RNF175: variants seen among roughly 807,000 people sequenced by gnomAD.
The protein encoded by RNF175 is ring finger protein 175.
In RNF175, 38 loss-of-function variants were observed where a neutral mutation model predicts 50.0. The observed-to-expected ratio is 0.76, with a 90% CI of 0.59 to 1.00. The LOEUF is 1.00. Ranked by LOEUF, RNF175 falls within the 50% of genes least tolerant of loss-of-function variation. The pLI, the probability that RNF175 is intolerant of heterozygous loss-of-function variation, is 0.00. For missense variants in RNF175, 388 were observed against 409.6 expected, an observed-to-expected ratio of 0.95 and a Z score of 0.46; for synonymous variants, 155 against 146.1, an observed-to-expected ratio of 1.06 and a Z score of -0.44.
intron 3 of RNF175, among the ~76,000 whole-genome samples, chr4:153,735,531 G>A (rs573499359): frequency 6.6e-6 from 1 of 152,226 alleles, no homozygotes; most frequent in African/African-American, 2.4e-5. Flanking sequence ...CACATGAACT[G>A]TAGAATCAGT....
intron 3 of RNF175, among the ~76,000 whole-genome samples, chr4:153,743,629 A>G (rs1412046786): frequency 6.6e-6 from 1 of 152,158 alleles, no homozygotes; most frequent in Non-Finnish European, 1.5e-5. Context: ...GAGGCAGGAT[A>G]ACAGGCGCCT....
intron 3 of RNF175, 84 bp from the exon 4 acceptor site, chr4:153,728,445 G>A (rs900519953): frequency 8.4e-7 from 1 of 1,185,418 alleles, no homozygotes; most frequent in African/African-American, 1.5e-5. Context: ...CTGAAGCATT[G>A]CTGGGAGAAC....
At position 153,759,789 on chromosome 4, in the gene RNF175, G is replaced by A; in HGVS notation, c.66+8C>T. ...GCGTCCCCCACGCCCGCGCCCCCGCGCCAGTACCTGCTCCTGCTGCGGGGG... is the reference window on the plus strand; with the variant it reads ...GCGTCCCCCACGCCCGCGCCCCCGCACCAGTACCTGCTCCTGCTGCGGGGG... On this transcript the variant is annotated splice_region_variant and intron_variant, in intron 1 of 8. Transcript: ENST00000347063. 6.8e-7 allele frequency: 1 copy of A among 1,476,254 alleles called. No individual in the cohort carries two copies. Among genetic ancestry groups the A allele is most frequent in the Non-Finnish European group, 8.9e-7 (1 of 1,120,000 alleles). 91.4% of individuals were successfully genotyped at this position (1,476,254 alleles called of 1,614,324 possible). A position where few individuals can be genotyped will look rare whatever the true frequency, so the allele number is the denominator to read the frequency against.
At chr4:153,743,524 T>G (rs1250526316) in intron 3 of RNF175, among the ~76,000 whole-genome samples, 4 of 152,126 alleles carry the variant, frequency 2.6e-5, no homozygotes, top group African/African-American at 9.7e-5. Flanking sequence ...CCATGAGACC[T>G]GAATCTGTCC....
At chr4:153,738,406 G>A (rs1021972315) in intron 3 of RNF175, among the ~76,000 whole-genome samples, 2 of 149,820 alleles carry the variant, frequency 1.3e-5, no homozygotes, top group Admixed American at 6.7e-5. Flanking sequence ...AGCTGGTCTC[G>A]AGCTCTTGGC....
chr4:153,733,428 G>A (rs534981636), intron 3 of RNF175, among the ~76,000 whole-genome samples: 1 of 152,148 alleles, frequency 6.6e-6, no homozygotes, highest in South Asian at 2.1e-4. Flanking sequence ...TAAGTAACCT[G>A]GCTCCCACTA....
chr4:153,718,325 C>T (rs1056925239), intron 6 of RNF175, among the ~76,000 whole-genome samples: 33 of 144,686 alleles, frequency 2.3e-4, no homozygotes, highest in African/African-American at 6.9e-4. Context: ...GGCACTGATA[C>T]GGGAATGGAG....
rs370764874 is a variant in RNF175, at chr4:153,715,549, G to A, written c.744C>T (p.Tyr248=). The part of the protein sequence containing the change: ...LDEEGLIENT[Y]QLSCNHVFHE... ...GATACACATGATTACAGGAAAGCTG[G>A]TAGGTGTTTTCAATGAGCCCTTCTT... Residue 248 remains tyrosine, a synonymous_variant, in exon 7 of 9, where the codon TAC becomes TAT. Transcript: ENST00000347063. 51 of 1,604,704 alleles carry A rather than the reference G, an allele frequency of 3.2e-5. No homozygotes were observed. The highest frequency in any genetic ancestry group is 4.3e-5 in the Non-Finnish European group (50 of 1,175,214).
chr4:153,756,451 T>C (rs1740569991), intron 1 of RNF175, among the ~76,000 whole-genome samples: 1 of 152,082 alleles, frequency 6.6e-6, no homozygotes. Flanking sequence ...CTGTCCTATC[T>C]ATCCAATTGC....
At chr4:153,719,597 A>G (rs1365119842) in intron 6 of RNF175, among the ~76,000 whole-genome samples, 3 of 152,232 alleles carry the variant, frequency 2.0e-5, no homozygotes, top group Non-Finnish European at 4.4e-5. Flanking sequence ...TTTAGTCTTA[A>G]AAGAGTTCAA....
At chr4:153,732,847 T>G (rs747183043) in intron 3 of RNF175, among the ~76,000 whole-genome samples, 2 of 152,226 alleles carry the variant, frequency 1.3e-5, no homozygotes, top group African/African-American at 2.4e-5. Flanking sequence ...ATATCAAGAT[T>G]ACCAGCTGGA....
intron 4 of RNF175, among the ~76,000 whole-genome samples, chr4:153,723,940 T>G (rs1738509759): frequency 6.6e-6 from 1 of 152,102 alleles, no homozygotes. Flanking sequence ...CCAGCCCCAG[T>G]GCAGATATCA....
At chr4:153,747,716 GT>G (rs1740051529) in intron 3 of RNF175, among the ~76,000 whole-genome samples, 1 of 152,178 alleles carries the variant, frequency 6.6e-6, no homozygotes, top group Admixed American at 6.5e-5. Flanking sequence ...TTTCTAGCCT[GT>G]TCCTTCAAAC....
At chr4:153,751,654 A>G (rs1335099566) in intron 1 of RNF175, among the ~76,000 whole-genome samples, 179 bp from the exon 2 acceptor site, 5 of 152,226 alleles carry the variant, frequency 3.3e-5, no homozygotes, top group African/African-American at 1.2e-4. Flanking sequence ...AACACAAACA[A>G]AAAAAGAGTA....
intron 3 of RNF175, chr4:153,729,911 C>A: frequency 2.8e-6 from 1 of 353,472 alleles, no homozygotes; most frequent in Non-Finnish European, 4.0e-6. Flanking sequence ...AATCTTGCCT[C>A]CATTTATCAG....
intron 5 of RNF175, among the ~76,000 whole-genome samples, chr4:153,722,209 G>T (rs1738381577): frequency 6.6e-6 from 1 of 152,160 alleles, no homozygotes; most frequent in African/African-American, 2.4e-5. Flanking sequence ...ACACAGGCTG[G>T]TTACTCAGCC....
intron 3 of RNF175, among the ~76,000 whole-genome samples, chr4:153,735,495 T>A (rs1454115844): frequency 6.6e-6 from 1 of 152,152 alleles, no homozygotes. Context: ...AGTGTTGTGT[T>A]GTCTATTGTG....
intron 3 of RNF175, among the ~76,000 whole-genome samples, chr4:153,744,671 C>A (rs1469579362): frequency 6.6e-6 from 1 of 152,146 alleles, no homozygotes; most frequent in Non-Finnish European, 1.5e-5. Context: ...TACATGAGGA[C>A]TCTAGAAATT....
chr4:153,759,722 C>T (rs1740733620), intron 1 of RNF175, 75 bp downstream of exon 1: 3 of 1,020,022 alleles, frequency 2.9e-6, no homozygotes, highest in Non-Finnish European at 4.1e-6. Context: ...CCAGTCTGTG[C>T]AGCCTGCCCG....
Sources: allele counts gnomAD v4.1 joint callset (sites outside exome capture counted in the v4.1 genomes callset), GRCh38; gene constraint gnomAD v4.1.1; transcripts MANE v1.5; gene names NCBI Gene and HGNC (gene_info 2026-07-23, HGNC 2026-07-21).